The following ZWILCH variants were observed in gnomAD, a reference collection of about 807,000 sequenced individuals.
The protein encoded by ZWILCH is protein zwilch homolog.
In ZWILCH, 74 loss-of-function variants were observed where a neutral mutation model predicts 79.9. The ratio of observed to expected loss-of-function variants is 0.93; its 90% CI spans 0.77 to 1.12. ZWILCH has a LOEUF of 1.12. Among genes scored for constraint, ZWILCH ranks in the 50% most tolerant of loss-of-function variants. The pLI is 0.00. For synonymous variants in ZWILCH, 241 were observed against 228.2 expected, an observed-to-expected ratio of 1.06 and a Z score of -0.51; for missense variants, 694 against 687.5, an observed-to-expected ratio of 1.01 and a Z score of -0.11.
chr15:66,505,668 C>T (rs1595898986), intron 1 of ZWILCH: 3 of 478,474 alleles, frequency 6.3e-6, no homozygotes, highest in Non-Finnish European at 1.1e-5. Flanking sequence ...GATGGACACA[C>T]TTGCCATAAG....
In ZWILCH at chr15:66,532,288, T is replaced by C. The variant is rs1894876239; in HGVS notation, c.1197T>C (p.His399=). 6.2e-7 allele frequency: 1 copy of C among 1,606,094 alleles called. No homozygotes were observed. Among genetic ancestry groups the C allele is most frequent in the African/African-American group, 1.3e-5 (1 of 74,550 alleles). The part of the protein sequence containing the change: ...GSNSLLSKLI[H]QSYHGTMDTV... ...ACAGTTTACTAAGTAAGCTCATTCA[T>C]CAGTCTTATCATGGAACCATGGACA... The change falls in exon 13 of 19, where the codon CAT becomes CAC. Residue 399 remains histidine (H), a synonymous_variant. Coordinates refer to ENST00000307897, the MANE Select transcript of ZWILCH (RefSeq NM_017975.5).
chr15:66,509,942 T>C (rs1043762201), intron 2 of ZWILCH, among the ~76,000 whole-genome samples: 1 of 146,244 alleles, frequency 6.8e-6, no homozygotes. Flanking sequence ...TTTGGGAGGC[T>C]GAGGTGGATG....
At position 66,527,908 on chromosome 15, in the gene ZWILCH, T is replaced by TA. The variant is rs1350848438; in HGVS notation, c.965_966insA (p.Glu323Ter). The TA allele has an allele frequency of 4.4e-6, 7 of 1,599,372 alleles. No individual in the cohort carries two copies. The highest frequency in any genetic ancestry group is 5.1e-6 in the Non-Finnish European group (6 of 1,176,368). On this transcript the variant is annotated frameshift_variant, in exon 10 of 19. Transcript: ENST00000307897. LOFTEE classifies it high-confidence loss of function. ...GATTCTACAAAAAAAGACACTGAGG[T>TA]TGAGGTAAGTGATTATTATCAGTTA...
At chr15:66,514,891 C>T (rs533419108) in intron 3 of ZWILCH, among the ~76,000 whole-genome samples, 2 of 152,276 alleles carry the variant, frequency 1.3e-5, no homozygotes, top group Non-Finnish European at 2.9e-5. Context: ...CCAAGAACGT[C>T]TGGGTTTCCT....
At chr15:66,520,911 T>C in intron 6 of ZWILCH, 139 bp from the exon 7 acceptor site, 1 of 967,192 alleles carries the variant, frequency 1.0e-6, no homozygotes. Flanking sequence ...ATCCCAAAAA[T>C]ATATGGAAAG....
intron 5 of ZWILCH, among the ~76,000 whole-genome samples, chr15:66,519,910 A>G (rs1488631349): frequency 6.6e-6 from 1 of 152,104 alleles, no homozygotes; most frequent in Non-Finnish European, 1.5e-5. Flanking sequence ...TGATCCTCCC[A>G]CCATAACCTC....
In ZWILCH at chr15:66,521,010, G is replaced by A. The variant is rs757181755; in HGVS notation, c.592-40G>A. On this transcript the variant is annotated intron_variant, in intron 6 of 18. Transcript: ENST00000307897. ...TGGGTAATGGACTCTTGGCCATGTG[G>A]AAGCACAGCTAAATGATCTGCTGGG... 9 of 1,600,262 alleles carry A rather than the reference G, an allele frequency of 5.6e-6. No individual in the cohort carries two copies. In the East Asian group the frequency reaches 2.0e-4, roughly 36 times the overall value.
chr15:66,518,734 C>T, intron 4 of ZWILCH, 145 bp from the exon 5 acceptor site: 1 of 708,148 alleles, frequency 1.4e-6, no homozygotes, highest in East Asian at 2.7e-5. Flanking sequence ...TCACTTGAGC[C>T]AAGGAGGCCA....
At position 66,519,045 on chromosome 15, in the gene ZWILCH, A is replaced by G. The variant is rs1894395504; in HGVS notation, c.487A>G (p.Thr163Ala). The change falls in exon 5 of 19, where the codon ACA becomes GCA. Residue 163 changes from threonine to alanine, a missense_variant. Physicochemically the swap from Thr to Ala is moderately conservative, Grantham distance 58. Coordinates refer to ENST00000307897, the MANE Select transcript of ZWILCH (RefSeq NM_017975.5). ...GCTTATCACAACAAACAACAGCATT[A>G]CAGGAATTGTCTTATATGTGGTCAG... ...AELITTNNSI[T>A]GIVLYVVSCK... The G allele has an allele frequency of 1.9e-6, 3 of 1,614,226 alleles. No individual in the cohort carries two copies. Among genetic ancestry groups the G allele is most frequent in the African/African-American group, 1.3e-5 (1 of 75,068 alleles).
Position 66,540,161 on chromosome 15 carries a change from G to T in ZWILCH, c.1638G>T (p.Trp546Cys). ...GTCAAAAGAAGATTAAGACAGTTTG[G>T]CAACTGAGTGACAGCTCACCCATAG... ...YSGQKKIKTV[W>C]QLSDSSPIDH... is the part of the protein sequence containing the mutation. Residue 546 changes from tryptophan (W) to cysteine (C), a missense_variant, in exon 17 of 19, where the codon TGG becomes TGT. Physicochemically the swap from Trp to Cys is radical, Grantham distance 215. Transcript: ENST00000307897. The T allele has an allele frequency of 6.2e-7, 1 of 1,613,650 alleles. No individual in the cohort carries two copies. The highest frequency in any genetic ancestry group is 8.5e-7 in the Non-Finnish European group (1 of 1,179,772).
intron 2 of ZWILCH, among the ~76,000 whole-genome samples, chr15:66,510,002 C>T (rs1392786276): frequency 4.0e-5 from 6 of 149,760 alleles, no homozygotes; most frequent in Non-Finnish European, 8.9e-5. Flanking sequence ...CATGGTGAAA[C>T]CCCAGCTCTA....
intron 8 of ZWILCH, among the ~76,000 whole-genome samples, chr15:66,525,562 G>A (rs538650273): frequency 6.6e-6 from 1 of 151,656 alleles, no homozygotes; most frequent in Non-Finnish European, 1.5e-5. Context: ...TCTTCTTCTG[G>A]GACCATGCTA....
At chr15:66,545,665 G>T (rs748808867) in intron 17 of ZWILCH, among the ~76,000 whole-genome samples, 2 of 152,154 alleles carry the variant, frequency 1.3e-5, no homozygotes, top group Admixed American at 6.5e-5. Context: ...ATAACCTCTT[G>T]TAGCCATCAT....
At chr15:66,519,732 C>A (rs144824924) in intron 5 of ZWILCH, among the ~76,000 whole-genome samples, 2 of 152,210 alleles carry the variant, frequency 1.3e-5, no homozygotes, top group African/African-American at 2.4e-5. Context: ...GATCCACCCC[C>A]CTCGGCCTCC....
intron 1 of ZWILCH, 69 bp downstream of exon 1, chr15:66,505,460 C>T: frequency 6.4e-7 from 1 of 1,574,758 alleles, no homozygotes; most frequent in Non-Finnish European, 8.7e-7. Context: ...TCTGGATCCC[C>T]GCCCTAAGCC....
chr15:66,544,724 T>TTGTGTGTGTG (rs1555426547), intron 17 of ZWILCH, among the ~76,000 whole-genome samples: 2,316 of 128,490 alleles, frequency 0.018, 45 homozygotes, highest in African/African-American at 0.05. Flanking sequence ...TTTTTGGTTT[T>TTGTGTGTGTG]TGTGTGTGTG....
intron 16 of ZWILCH, among the ~76,000 whole-genome samples, chr15:66,538,278 G>A (rs1392662932): frequency 1.3e-5 from 2 of 152,116 alleles, no homozygotes; most frequent in Admixed American, 1.3e-4. Context: ...GGTCACCAAT[G>A]ACCTTCTAAT....
chr15:66,539,797 C>T (rs990428815), intron 16 of ZWILCH, among the ~76,000 whole-genome samples: 2 of 152,200 alleles, frequency 1.3e-5, no homozygotes, highest in African/African-American at 4.8e-5. Context: ...GCTCACACAT[C>T]ACAGCCTCTG....
At chr15:66,530,813 A>T (rs112591648) in intron 12 of ZWILCH, among the ~76,000 whole-genome samples, 1 of 152,220 alleles carries the variant, frequency 6.6e-6, no homozygotes, top group Admixed American at 6.5e-5. Context: ...ATAAACTTTT[A>T]TGGGTGTGAA....
Sources: allele counts gnomAD v4.1 joint callset (sites outside exome capture counted in the v4.1 genomes callset), GRCh38; gene constraint gnomAD v4.1.1; transcripts MANE v1.5; gene names NCBI Gene and HGNC (gene_info 2026-07-23, HGNC 2026-07-21).